PEBP4: variants seen among roughly 807,000 people sequenced by gnomAD.
PEBP4 encodes the protein phosphatidylethanolamine-binding protein 4.
PEBP4 carries 22 observed loss-of-function variants against 23.9 expected under a neutral mutation model. The observed-to-expected ratio is 0.92, with a 90% CI of 0.66 to 1.31. The LOEUF (loss-of-function observed/expected upper bound fraction) is 1.31, where lower values mean the gene tolerates loss of function less well. PEBP4 is among the 40% of genes most tolerant of loss of function. The pLI is 0.00. For missense variants in PEBP4, 324 were observed against 281.7 expected (o/e 1.15, Z -1.07); for synonymous variants, 112 against 99.3 (o/e 1.13, Z -0.76).
intron 3 of PEBP4, among the ~76,000 whole-genome samples, chr8:22,830,147 T>TGTGTGTG (rs1393564112): frequency 1.9e-4 from 15 of 80,944 alleles, no homozygotes; most frequent in Admixed American, 1.5e-3. Flanking sequence ...GTGTGTGTGT[T>TGTGTGTG]TTTACGGAGT....
chr8:22,790,204 C>T (rs1648637309), intron 4 of PEBP4, among the ~76,000 whole-genome samples: 1 of 152,228 alleles, frequency 6.6e-6, no homozygotes, highest in Admixed American at 6.5e-5. Context: ...TTCTTTCCTT[C>T]CTTCCTTCCT....
chr8:22,898,400 A>AC (rs1808636693), intron 3 of PEBP4, among the ~76,000 whole-genome samples: 1 of 105,274 alleles, frequency 9.5e-6, no homozygotes, highest in African/African-American at 3.7e-5. Context: ...CCAAAAAAAA[A>AC]AAAAAAAAAA....
intron 4 of PEBP4, among the ~76,000 whole-genome samples, chr8:22,771,621 G>T (rs1805719176): frequency 6.6e-6 from 1 of 152,242 alleles, no homozygotes; most frequent in Non-Finnish European, 1.5e-5. Context: ...TCAGGTAGAA[G>T]GTGAGACTTG....
chr8:22,780,359 C>T (rs74628382), intron 4 of PEBP4, among the ~76,000 whole-genome samples: 57 of 152,238 alleles, frequency 3.7e-4, no homozygotes, highest in Non-Finnish European at 6.9e-4. Context: ...TGTTGTTTCT[C>T]GACCTTTTCA....
chr8:22,939,706 G>T (rs951220342), intron 1 of PEBP4, among the ~76,000 whole-genome samples: 2 of 151,836 alleles, frequency 1.3e-5, no homozygotes, highest in Non-Finnish European at 2.9e-5. Flanking sequence ...GAGCTCCAGG[G>T]CTGGATTTTC....
intron 3 of PEBP4, among the ~76,000 whole-genome samples, chr8:22,827,718 C>G (rs762311741): frequency 6.6e-6 from 1 of 152,202 alleles, no homozygotes; most frequent in Non-Finnish European, 1.5e-5. Flanking sequence ...TCTGTGCAAA[C>G]ACTTGTTTTC....
rs555796114 is a variant in PEBP4 at position 22,748,823 on chromosome 8, G to T, written c.358-21603C>A. On this transcript the variant is annotated intron_variant, in intron 4 of 6. Coordinates refer to ENST00000256404, the MANE Select transcript of PEBP4 (RefSeq NM_144962.3). Reference sequence around the variant, plus strand: ...TCGGCCACCACTACACACCCCAGGAGAACAGGAGAGGCCTCCACGAGTCCT... The same window carrying T: ...TCGGCCACCACTACACACCCCAGGATAACAGGAGAGGCCTCCACGAGTCCT... Among the ~76,000 whole-genome samples, 3 of 152,340 alleles carry T rather than the reference G, an allele frequency of 2.0e-5. No homozygotes were observed. In the South Asian group the frequency reaches 6.2e-4, roughly 32 times the overall value.
chr8:22,828,990 G>T (rs925455244), intron 3 of PEBP4, among the ~76,000 whole-genome samples: 5 of 152,076 alleles, frequency 3.3e-5, no homozygotes, highest in Admixed American at 6.6e-5. Flanking sequence ...CTTCAACTAT[G>T]TCTACTGGGA....
chr8:22,873,607 G>A (rs1808056615), intron 3 of PEBP4, among the ~76,000 whole-genome samples: 1 of 152,180 alleles, frequency 6.6e-6, no homozygotes, highest in South Asian at 2.1e-4. Flanking sequence ...ACTCCAGCCT[G>A]GGCAACAGAG....
At chr8:22,862,683 A>G (rs1807802324) in intron 3 of PEBP4, among the ~76,000 whole-genome samples, 1 of 152,170 alleles carries the variant, frequency 6.6e-6, no homozygotes, top group Non-Finnish European at 1.5e-5. Context: ...TCTATAGGTG[A>G]GAAAACTGAG....
intron 5 of PEBP4, among the ~76,000 whole-genome samples, chr8:22,726,129 C>T (rs540979695): frequency 6.6e-6 from 1 of 152,132 alleles, no homozygotes; most frequent in Non-Finnish European, 1.5e-5. Context: ...TGTACATGAA[C>T]AGCCAGTGTG....
intron 3 of PEBP4, among the ~76,000 whole-genome samples, chr8:22,848,690 C>G (rs1353295525): frequency 6.6e-6 from 1 of 152,020 alleles, no homozygotes; most frequent in Non-Finnish European, 1.5e-5. Context: ...GGTGGAGACA[C>G]AGGACTCTTA....
intron 3 of PEBP4, among the ~76,000 whole-genome samples, chr8:22,910,881 G>T (rs10091871): frequency 6.6e-6 from 1 of 152,116 alleles, no homozygotes; most frequent in East Asian, 1.9e-4. Flanking sequence ...ATGCCATCAC[G>T]CATTTGTAGA....
intron 4 of PEBP4, among the ~76,000 whole-genome samples, chr8:22,800,506 G>A (rs1413233565): frequency 2.0e-5 from 3 of 152,046 alleles, no homozygotes; most frequent in African/African-American, 7.2e-5. Context: ...TCAGGCACGT[G>A]TTGTGACTCT....
chr8:22,924,734 T>A, intron 2 of PEBP4: 2 of 985,406 alleles, frequency 2.0e-6, no homozygotes, highest in Non-Finnish European at 2.4e-6. Flanking sequence ...TTGAGTGGAT[T>A]CACCTCCTGG....
chr8:22,926,971 G>C (rs1019152721), intron 2 of PEBP4, among the ~76,000 whole-genome samples: 5 of 152,136 alleles, frequency 3.3e-5, no homozygotes, highest in Non-Finnish European at 5.9e-5. Context: ...ATGAAGGCTT[G>C]CTTTTCTAAC....
At chr8:22,908,389 C>A (rs1231999142) in intron 3 of PEBP4, among the ~76,000 whole-genome samples, 28 of 139,642 alleles carry the variant, frequency 2.0e-4, no homozygotes, top group South Asian at 6.9e-4. Flanking sequence ...AACAAACAAA[C>A]AAACAAAAAA....
At chr8:22,920,091 G>A in intron 3 of PEBP4, 93 bp downstream of exon 3, 2 of 1,505,180 alleles carry the variant, frequency 1.3e-6, no homozygotes, top group Middle Eastern at 2.5e-4. Flanking sequence ...AGATGGCTCT[G>A]CACGCAGCTT....
chr8:22,865,886 G>T lies in PEBP4; in HGVS notation c.259-48151C>A, dbSNP rs556606258. 0.011 allele frequency among the ~76,000 whole-genome samples: 1,624 copies of T among 152,212 alleles called. 20 individuals are homozygous for T. Among genetic ancestry groups the T allele is most frequent in the Non-Finnish European group, 0.018 (1,212 of 67,980 alleles). ...GCCCACCCCGGCTGTCCCAGCTCGGGCGCCCCAAACCCACAGCTCCCACTC... is the reference window on the plus strand; with the variant it reads ...GCCCACCCCGGCTGTCCCAGCTCGGTCGCCCCAAACCCACAGCTCCCACTC... On this transcript the variant is annotated intron_variant, in intron 3 of 6. Coordinates refer to ENST00000256404, the MANE Select transcript of PEBP4 (RefSeq NM_144962.3). This position sits in a 1 kb window ranked among gnomAD's most constrained non-coding sequence, Gnocchi z 6.9.
Sources: gnomAD v4.1 joint callset for allele counts (sites outside exome capture counted in the v4.1 genomes callset) on GRCh38, gnomAD v4.1.1 for gene constraint, Gnocchi (gnomAD v3.1) non-coding constraint, MANE v1.5 for transcripts, NCBI Gene and HGNC (gene_info 2026-07-23, HGNC 2026-07-21) for gene names.